The following MELK variants were observed in gnomAD, a reference collection of about 807,000 sequenced individuals.
MELK encodes the protein maternal embryonic leucine zipper kinase.
A neutral mutation model predicts 85.0 loss-of-function variants in MELK; 81 were observed. The observed-to-expected ratio is 0.95, with a 90% confidence interval of 0.80 to 1.15. The LOEUF (loss-of-function observed/expected upper bound fraction) is 1.15, where lower values mean the gene tolerates loss of function less well. MELK is among the 50% of genes most tolerant of loss of function. The pLI is 0.00. For synonymous variants in MELK, 252 were observed against 265.0 expected, an observed-to-expected ratio of 0.95 and a Z score of 0.48; for missense variants, 754 against 777.5, an observed-to-expected ratio of 0.97 and a Z score of 0.36.
chr9:36,607,456 G>C lies in MELK; in HGVS notation c.568-119G>C. 7 of 751,120 alleles carry C rather than the reference G, an allele frequency of 9.3e-6. No homozygotes were observed. The South Asian group carries it at 1.2e-4, about 13-fold the overall frequency. 46.5% of individuals were successfully genotyped at this position (751,120 alleles called of 1,614,324 possible). ...ATAGAATAAGCAGGTTGAAATGGTT[G>C]ATATCTGAGTTCTTTTTTAGCTTTG... is the stretch of plus-strand genomic sequence containing the variant. On this transcript the variant is annotated intron_variant, in intron 7 of 17. Transcript: ENST00000298048.
At position 36,646,904 on chromosome 9, in the gene MELK, A is replaced by G. The variant is rs114445523; in HGVS notation, c.921+3821A>G. On this transcript the variant is annotated intron_variant, in intron 11 of 17. Transcript: ENST00000298048. The stretch of plus-strand genomic sequence containing the variant: ...ATGTTTTTAGTTTTCTAGAAATGGA[A>G]CTTTCTCACAGGTAACCCTATCACT... 7.1e-3 allele frequency among the ~76,000 whole-genome samples: 1,083 copies of G among 152,322 alleles called. 10 individuals are homozygous for G. The highest frequency in any genetic ancestry group is 0.021 in the African/African-American group (878 of 41,568).
chr9:36,662,909 G>T lies in MELK; in HGVS notation c.1177-2441G>T, dbSNP rs773915465. On this transcript the variant is annotated intron_variant, in intron 13 of 17. Transcript: ENST00000298048. Reference sequence around the variant, plus strand: ...ACACCATCTGTGTGGTGTCTCTGTGGATAGTGTCCTCTGGAGTTGTATAAT... The same window carrying T: ...ACACCATCTGTGTGGTGTCTCTGTGTATAGTGTCCTCTGGAGTTGTATAAT... Among the ~76,000 whole-genome samples the T allele has an allele frequency of 1.2e-3, 181 of 152,120 alleles. 1 individual carries two copies. Among genetic ancestry groups the T allele is most frequent in the Non-Finnish European group, 2.4e-3 (160 of 68,036 alleles).
chr9:36,669,197 T>C, intron 14 of MELK, 113 bp from the exon 15 acceptor site: 1 of 571,518 alleles, frequency 1.7e-6, no homozygotes. Context: ...GTCAAGTGAT[T>C]ATACTGTTTC....
chr9:36,595,812 A>ATTTATT (rs890530141), intron 5 of MELK, among the ~76,000 whole-genome samples: 2 of 151,410 alleles, frequency 1.3e-5, no homozygotes, highest in South Asian at 2.1e-4. Flanking sequence ...GTATGTATTT[A>ATTTATT]TTTATTTTTA....
In MELK at chr9:36,651,831, C is replaced by T. The variant is rs761984042; in HGVS notation, c.1007C>T (p.Ser336Phe). ...AAACCAGTTCGTTTAAGGCTTTCTT[C>T]TTTCTCCTGTGGACAAGCCAGTGCT... is the stretch of plus-strand genomic sequence containing the variant. ...RGKPVRLRLS[S>F]FSCGQASATP... Residue 336 changes from serine to phenylalanine, a missense_variant, in exon 12 of 18, where the codon TCT (serine) becomes TTT (phenylalanine). Ser to Phe is a radical substitution (Grantham distance 155, BLOSUM62 -2). Coordinates refer to ENST00000298048, the MANE Select transcript of MELK (RefSeq NM_014791.4). 2 of 1,613,962 alleles carry T rather than the reference C, an allele frequency of 1.2e-6. No individual in the cohort carries two copies. Among genetic ancestry groups the T allele is most frequent in the Non-Finnish European group, 1.7e-6 (2 of 1,179,956 alleles).
At chr9:36,593,991 T>C (rs1823920275) in intron 4 of MELK, among the ~76,000 whole-genome samples, 1 of 152,194 alleles carries the variant, frequency 6.6e-6, no homozygotes, top group Admixed American at 6.6e-5. Context: ...TTTTTTGATA[T>C]GAGTGAGTAC....
intron 13 of MELK, among the ~76,000 whole-genome samples, chr9:36,657,856 T>A (rs556219291): frequency 8.4e-4 from 128 of 152,326 alleles, no homozygotes; most frequent in African/African-American, 3.0e-3. Flanking sequence ...GTGCTGGGAT[T>A]ACAGGCGTGA....
Position 36,671,016 on chromosome 9 carries a change from G to T in MELK, c.1524G>T (p.Leu508Phe). 3.1e-6 allele frequency: 5 copies of T among 1,609,536 alleles called. No individual in the cohort carries two copies. The highest frequency in any genetic ancestry group is 4.2e-6 in the Non-Finnish European group (5 of 1,178,410). ...SPERRCRSVE[L>F]DLNQAHMEET... ...GTTTCAGGTGCCGCTCAGTGGAATT[G>T]GATCTCAACCAAGCACATATGGAGG... The change falls in exon 16 of 18, where the codon TTG becomes TTT. Residue 508 changes from leucine to phenylalanine, a missense_variant. Transcript: ENST00000298048.
At chr9:36,627,561 T>C (rs1198208125) in intron 8 of MELK, among the ~76,000 whole-genome samples, 2 of 150,596 alleles carry the variant, frequency 1.3e-5, no homozygotes, top group African/African-American at 2.5e-5. Context: ...AGTTTTGCTC[T>C]TGTTGCCCAG....
At chr9:36,615,151 A>G (rs1316902408) in intron 8 of MELK, among the ~76,000 whole-genome samples, 2 of 134,650 alleles carry the variant, frequency 1.5e-5, no homozygotes, top group Non-Finnish European at 3.2e-5. Context: ...GCGGCCGGGC[A>G]GAGGCGCCCC....
At chr9:36,597,667 G>A (rs1280000672) in intron 6 of MELK, among the ~76,000 whole-genome samples, 1 of 152,136 alleles carries the variant, frequency 6.6e-6, no homozygotes, top group Non-Finnish European at 1.5e-5. Flanking sequence ...TGAGAATTTA[G>A]TGCAAATCTG....
At chr9:36,644,694 T>C (rs1014962583) in intron 11 of MELK, among the ~76,000 whole-genome samples, 3 of 152,232 alleles carry the variant, frequency 2.0e-5, no homozygotes, top group Non-Finnish European at 4.4e-5. Context: ...TAATCTTTAA[T>C]GGAAGACTAT....
intron 8 of MELK, among the ~76,000 whole-genome samples, chr9:36,617,518 G>A (rs377743986): frequency 6.6e-6 from 1 of 151,832 alleles, no homozygotes; most frequent in Non-Finnish European, 1.5e-5. Flanking sequence ...GTAGAGATAA[G>A]GTCTTGCTAT....
At chr9:36,660,306 A>G (rs1831663921) in intron 13 of MELK, among the ~76,000 whole-genome samples, 1 of 152,132 alleles carries the variant, frequency 6.6e-6, no homozygotes, top group Non-Finnish European at 1.5e-5. Flanking sequence ...ACAATGTGCA[A>G]CAATTGCCTG....
intron 8 of MELK, among the ~76,000 whole-genome samples, chr9:36,626,634 T>C (rs908209183): frequency 6.6e-6 from 1 of 152,004 alleles, no homozygotes; most frequent in Non-Finnish European, 1.5e-5. Flanking sequence ...CCCCAGTTCA[T>C]CTATATCTTG....
chr9:36,662,162 T>A (rs1382845006), intron 13 of MELK, among the ~76,000 whole-genome samples: 1 of 151,866 alleles, frequency 6.6e-6, no homozygotes, highest in Non-Finnish European at 1.5e-5. Context: ...ATTTTATTGG[T>A]TTCTATTTGA....
Position 36,665,332 on chromosome 9 carries a change from G to C in MELK, c.1177-18G>C. 6.5e-7 allele frequency: 1 copy of C among 1,530,396 alleles called. No individual in the cohort carries two copies. Among genetic ancestry groups the C allele is most frequent in the Non-Finnish European group, 8.9e-7 (1 of 1,118,162 alleles). The allele number at this position is 1,530,396 out of a possible 1,614,324, so 94.8% of individuals were successfully genotyped here. Reference sequence around the variant, plus strand: ...TTTCTTCTTCAGTGTGCTTTATCTAGTAACTTTTTTTTTCCAGTTTACCAA... The same window carrying C: ...TTTCTTCTTCAGTGTGCTTTATCTACTAACTTTTTTTTTCCAGTTTACCAA... On this transcript the variant is annotated intron_variant, in intron 13 of 17. Transcript: ENST00000298048.
intron 13 of MELK, among the ~76,000 whole-genome samples, chr9:36,662,895 G>T (rs1309772364): frequency 6.6e-6 from 1 of 152,152 alleles, no homozygotes; most frequent in Non-Finnish European, 1.5e-5. Context: ...CACCATCTGT[G>T]TGGTGTCTCT....
intron 11 of MELK, among the ~76,000 whole-genome samples, chr9:36,648,720 A>T (rs115889022): frequency 8.6e-4 from 131 of 152,362 alleles, no homozygotes; most frequent in African/African-American, 2.3e-3. Context: ...TAAGATAAAT[A>T]TCCTACTATA....
Sources: allele counts gnomAD v4.1 joint callset (sites outside exome capture counted in the v4.1 genomes callset), GRCh38; gene constraint gnomAD v4.1.1; transcripts MANE v1.5; gene names NCBI Gene and HGNC (gene_info 2026-07-23, HGNC 2026-07-21).